IL6R: variants seen among roughly 807,000 people sequenced by gnomAD.
The protein encoded by IL6R is interleukin 6 receptor, also known as interleukin-6 receptor subunit alpha.
In IL6R, 38 loss-of-function variants were observed where a neutral mutation model predicts 48.3. That is an observed-to-expected ratio of 0.79 (90% CI 0.61 to 1.03). IL6R has a LOEUF of 1.03. Ranked by LOEUF, IL6R falls within the 50% of genes least tolerant of loss-of-function variation. The pLI, the probability that IL6R is intolerant of heterozygous loss-of-function variation, is 0.00. For missense variants in IL6R, 534 were observed against 618.3 expected (o/e 0.86, Z 1.45); for synonymous variants, 264 against 256.2 (o/e 1.03, Z -0.29).
chr1:154,439,398 T>G (rs370516128), intron 6 of IL6R, among the ~76,000 whole-genome samples: 2 of 152,324 alleles, frequency 1.3e-5, no homozygotes, highest in East Asian at 3.9e-4. Context: ...CAATGCAACC[T>G]CTGCCTCCCG....
chr1:154,447,100 A>G (rs1690265764), intron 6 of IL6R, among the ~76,000 whole-genome samples: 2 of 152,086 alleles, frequency 1.3e-5, no homozygotes, highest in South Asian at 4.1e-4. Context: ...TCATCATGCC[A>G]CTGCACTCCA....
intron 9 of IL6R, 143 bp from the exon 10 acceptor site, chr1:154,464,991 C>G (rs985805480): frequency 1.2e-6 from 1 of 862,976 alleles, no homozygotes; most frequent in South Asian, 1.6e-5. Context: ...AACAAAAAGA[C>G]AGCTGATAGT....
At chr1:154,406,805 T>C (rs1444772286) in intron 1 of IL6R, among the ~76,000 whole-genome samples, 3 of 152,044 alleles carry the variant, frequency 2.0e-5, no homozygotes, top group African/African-American at 7.2e-5. Flanking sequence ...GTCCTTATGA[T>C]TGGAAGAAAA....
rs747718119 is a variant in IL6R at position 154,454,468 on chromosome 1, C to T, written c.1067-20C>T. ...TATTCTCCTCTTCCTCCTCTATCTT[C>T]AATTTTTTTTTTAACCTAGTGCAAG... On this transcript the variant is annotated intron_variant, in intron 8 of 9. Coordinates refer to ENST00000368485, the MANE Select transcript of IL6R (RefSeq NM_000565.4). 4.7e-6 allele frequency: 7 copies of T among 1,501,766 alleles called. No individual in the cohort carries two copies. The South Asian group carries it at 6.8e-5, about 15-fold the overall frequency. The allele number at this position is 1,501,766 out of a possible 1,614,324, so 93.0% of individuals were successfully genotyped here.
At chr1:154,427,538 T>G (rs2149232451) in intron 1 of IL6R, among the ~76,000 whole-genome samples, 1 of 152,328 alleles carries the variant, frequency 6.6e-6, no homozygotes, top group South Asian at 2.1e-4. Flanking sequence ...GCCTTATATC[T>G]GTCCCTTTTC....
At chr1:154,445,118 C>T (rs777835461) in intron 6 of IL6R, 13 of 456,224 alleles carry the variant, frequency 2.8e-5, no homozygotes, top group South Asian at 2.0e-4. Context: ...CCTCAGGAGG[C>T]TCCTCAGTGA....
At chr1:154,439,875 T>G (rs1457029786) in intron 6 of IL6R, among the ~76,000 whole-genome samples, 1 of 152,088 alleles carries the variant, frequency 6.6e-6, no homozygotes, top group African/African-American at 2.4e-5. Context: ...CTGCCTGCCT[T>G]CCTTTGTCTC....
intron 6 of IL6R, among the ~76,000 whole-genome samples, chr1:154,444,060 G>A (rs893301532): frequency 1.3e-5 from 2 of 151,904 alleles, no homozygotes; most frequent in Non-Finnish European, 2.9e-5. Flanking sequence ...TCCACTCTTC[G>A]TGCCCCTCTC....
At chr1:154,449,099 G>T (rs1164823066) in intron 7 of IL6R, among the ~76,000 whole-genome samples, 1 of 146,358 alleles carries the variant, frequency 6.8e-6, no homozygotes, top group Non-Finnish European at 1.5e-5. Context: ...GTTTCACCTT[G>T]TTAGCCAGGA....
At chr1:154,406,187 C>G (rs910113507) in intron 1 of IL6R, among the ~76,000 whole-genome samples, 9 of 152,166 alleles carry the variant, frequency 5.9e-5, no homozygotes, top group Admixed American at 2.0e-4. Flanking sequence ...GTCCTCCCCC[C>G]ACCCCCGCGG....
At chr1:154,416,219 T>C (rs1404271985) in intron 1 of IL6R, among the ~76,000 whole-genome samples, 2 of 152,032 alleles carry the variant, frequency 1.3e-5, no homozygotes, top group Non-Finnish European at 2.9e-5. Flanking sequence ...AACCTTGAAC[T>C]CCTGGACTCA....
rs1002308985 is a variant in IL6R, at chr1:154,458,221, T to C, written c.1160+3640T>C. On this transcript the variant is annotated intron_variant, in intron 9 of 9. Coordinates refer to ENST00000368485, the MANE Select transcript of IL6R (RefSeq NM_000565.4). ...TCCTGACCTCGTGATCCACCCGCCT[T>C]GGCCTCCCAAAGTGCTGGGATTACA... is the stretch of plus-strand genomic sequence containing the variant. 4.6e-5 allele frequency among the ~76,000 whole-genome samples: 7 copies of C among 152,198 alleles called. No homozygotes were observed. In the East Asian group the frequency reaches 7.8e-4, roughly 17 times the overall value.
chr1:154,468,563 ACTT>A lies in IL6R; in HGVS notation c.*3184_*3186del, dbSNP rs1005423821. 6.6e-6 allele frequency: 1 copy of A among 152,120 alleles called. No homozygotes were observed. The highest frequency in any genetic ancestry group is 2.4e-5 in the African/African-American group (1 of 41,408). 9.4% of individuals were successfully genotyped at this position (152,120 alleles called of 1,614,324 possible). On this transcript the variant is annotated 3_prime_UTR_variant, in exon 10 of 10. Transcript: ENST00000368485. ...CAGAGAGCTCTTGGCCCTGATGGGG[ACTT>A]GCCCTTACGCTTTCTTTATCAGGCT...
chr1:154,414,347 C>T (rs1688209464), intron 1 of IL6R: 6 of 1,277,632 alleles, frequency 4.7e-6, no homozygotes, highest in Non-Finnish European at 5.6e-6. Flanking sequence ...CCCTGCCCCA[C>T]CCTGTGCCTG....
At chr1:154,426,169 CACACACACACACACACACACACACAT>C (rs1370159297) in intron 1 of IL6R, among the ~76,000 whole-genome samples, 4 of 149,762 alleles carry the variant, frequency 2.7e-5, no homozygotes, top group Non-Finnish European at 6.0e-5. Flanking sequence ...CAGACACACA[CACACACACACACACACACACACACAT>C]ATATACACAC....
At chr1:154,464,007 G>A (rs1691402289) in intron 9 of IL6R, among the ~76,000 whole-genome samples, 1 of 152,182 alleles carries the variant, frequency 6.6e-6, no homozygotes, top group Non-Finnish European at 1.5e-5. Context: ...AGAGGAACAG[G>A]AAGGCAGTTG....
At chr1:154,464,359 TG>T (rs1691433206) in intron 9 of IL6R, among the ~76,000 whole-genome samples, 1 of 152,058 alleles carries the variant, frequency 6.6e-6, no homozygotes, top group Non-Finnish European at 1.5e-5. Context: ...TTCACCACGT[TG>T]GCCAGGCTGG....
In IL6R at chr1:154,439,775, G is replaced by A. The variant is rs187121427; in HGVS notation, c.949+3665G>A. Among the ~76,000 whole-genome samples, 234 of 152,278 alleles carry A rather than the reference G, an allele frequency of 1.5e-3. 1 individual carries two copies. Among genetic ancestry groups the A allele is most frequent in the African/African-American group, 5.5e-3 (230 of 41,548 alleles). On this transcript the variant is annotated intron_variant, in intron 6 of 9. Transcript: ENST00000368485. ...CACCCACTCCTTCCCCCAGCTCGTG[G>A]CAACCACCAGTCTACTTGCTTTTTC...
At chr1:154,439,393 C>G (rs1689811371) in intron 6 of IL6R, among the ~76,000 whole-genome samples, 1 of 152,162 alleles carries the variant, frequency 6.6e-6, no homozygotes, top group African/African-American at 2.4e-5. Context: ...CAGCTCAATG[C>G]AACCTCTGCC....
Sources: allele counts gnomAD v4.1 joint callset (sites outside exome capture counted in the v4.1 genomes callset), GRCh38; gene constraint gnomAD v4.1.1; transcripts MANE v1.5; gene names NCBI Gene and HGNC (gene_info 2026-07-23, HGNC 2026-07-21).